PADI6: variants seen among roughly 807,000 people sequenced by gnomAD.
PADI6 encodes inactive protein-arginine deiminase type-6.
A neutral mutation model predicts 78.2 loss-of-function variants in PADI6; 66 were observed. The observed-to-expected ratio is 0.84, with a 90% confidence interval of 0.69 to 1.04. PADI6 has a LOEUF of 1.04. PADI6 is among the 50% of genes least tolerant of loss of function. The pLI is 0.00. For synonymous variants in PADI6, 397 were observed against 346.9 expected (o/e 1.14, Z -1.60); for missense variants, 854 against 866.1 (o/e 0.99, Z 0.18).
intron 8 of PADI6, among the ~76,000 whole-genome samples, chr1:17,389,096 C>T (rs1223080646): frequency 6.6e-6 from 1 of 152,194 alleles, no homozygotes; most frequent in Non-Finnish European, 1.5e-5. Flanking sequence ...GACAGTCCCC[C>T]CATTATGTGA....
chr1:17,388,079 A>G (rs1258764834), intron 6 of PADI6, among the ~76,000 whole-genome samples: 1 of 152,146 alleles, frequency 6.6e-6, no homozygotes, highest in Non-Finnish European at 1.5e-5. Flanking sequence ...AGAACCACCT[A>G]CCCTGAGGCT....
In PADI6 at chr1:17,398,826, G is replaced by A. The variant is rs377677170; in HGVS notation, c.1830G>A (p.Ala610=). The A allele has an allele frequency of 2.2e-5, 36 of 1,613,354 alleles. No homozygotes were observed. The highest frequency in any genetic ancestry group is 3.0e-5 in the Non-Finnish European group (35 of 1,179,782). ...PSDQQPKRSF[A]RPYFPDLLRM... ...ACCAGCAGCCCAAGAGGTCCTTTGC[G>A]AGGCCATACTTCCCTGACCTGGTGA... Residue 610 remains alanine, a synonymous_variant, in exon 15 of 16, where the codon GCG becomes GCA. Transcript: ENST00000619609.
intron 2 of PADI6, among the ~76,000 whole-genome samples, chr1:17,373,938 C>A (rs570641874): frequency 6.6e-6 from 1 of 152,140 alleles, no homozygotes; most frequent in African/African-American, 2.4e-5. Flanking sequence ...TAATGGGGTG[C>A]CTATGTTGGG....
intron 7 of PADI6, 42 bp from the exon 8 acceptor site, chr1:17,388,735 A>C (rs1340113908): frequency 6.3e-7 from 1 of 1,583,774 alleles, no homozygotes; most frequent in Non-Finnish European, 8.6e-7. Context: ...GGAGCGAGTA[A>C]ATGTGGAAGC....
chr1:17,375,395 C>A, intron 2 of PADI6, 32 bp from the exon 3 acceptor site: 1 of 1,591,048 alleles, frequency 6.3e-7, no homozygotes, highest in Non-Finnish European at 8.6e-7. Context: ...CCGTCCAACA[C>A]TGCCTATGGT....
chr1:17,389,208 C>A (rs550018230), intron 8 of PADI6, among the ~76,000 whole-genome samples: 1 of 152,174 alleles, frequency 6.6e-6, no homozygotes, highest in Non-Finnish European at 1.5e-5. Context: ...GAAGCTCCTA[C>A]GGAGCCAGAG....
intron 13 of PADI6, 97 bp downstream of exon 13, chr1:17,395,760 G>A: frequency 7.0e-7 from 1 of 1,429,702 alleles, no homozygotes. Flanking sequence ...CGTAAAGGAT[G>A]CCAGGGAAGC....
In PADI6 at chr1:17,392,375, C is replaced by T. The variant is rs74503949; in HGVS notation, c.1074+150C>T. On this transcript the variant is annotated intron_variant, in intron 9 of 15. Coordinates refer to ENST00000619609, the MANE Select transcript of PADI6 (RefSeq NM_207421.4). ...TGTTCTTAGGACTTCAGTGGAGGCT[C>T]AGATGAGGATTTGCCTGAGTCATGG... 8.6e-4 allele frequency: 516 copies of T among 600,898 alleles called. No individual in the cohort carries two copies. In the African/African-American group the frequency reaches 8.9e-3, roughly 10 times the overall value. The allele number at this position is 600,898 out of a possible 1,614,324, so 37.2% of individuals were successfully genotyped here.
In PADI6 at chr1:17,375,481, C is replaced by T. The variant is rs765447667; in HGVS notation, c.349C>T (p.Leu117=). The T allele has an allele frequency of 6.2e-7, 1 of 1,607,828 alleles. No homozygotes were observed. Among genetic ancestry groups the T allele is most frequent in the South Asian group, 1.1e-5 (1 of 89,776 alleles). Residue 117 remains leucine, a synonymous_variant, in exon 3 of 16, where the codon CTG becomes TTG. Transcript: ENST00000619609. The stretch of plus-strand genomic sequence containing the variant: ...GGATGCCCCCGTGGGCACAGCTGTG[C>T]TGTACCTCACTGGCATTGGTGAGTG... ...NEDAPVGTAV[L]YLTGIEVSLE... is the part of the protein sequence containing the mutation.
intron 8 of PADI6, among the ~76,000 whole-genome samples, chr1:17,391,530 T>C (rs1449453050): frequency 6.6e-6 from 1 of 152,146 alleles, no homozygotes; most frequent in African/African-American, 2.4e-5. Context: ...AGATGAGTGG[T>C]CTTAACATCA....
chr1:17,384,908 G>A (rs919521528), intron 6 of PADI6, among the ~76,000 whole-genome samples: 1 of 152,258 alleles, frequency 6.6e-6, no homozygotes, highest in Non-Finnish European at 1.5e-5. Context: ...AAAGGGAGAT[G>A]TGTGGTGGTA....
intron 6 of PADI6, among the ~76,000 whole-genome samples, chr1:17,386,919 C>T (rs981911416): frequency 6.6e-6 from 1 of 152,184 alleles, no homozygotes; most frequent in Non-Finnish European, 1.5e-5. Context: ...AGGCAGCTGG[C>T]AGTGCCGTGC....
At chr1:17,381,601 G>A (rs749882633) in intron 5 of PADI6, among the ~76,000 whole-genome samples, 4 of 152,148 alleles carry the variant, frequency 2.6e-5, no homozygotes, top group Non-Finnish European at 5.9e-5. Context: ...CCTGACTTGC[G>A]GTTGGGACCA....
intron 8 of PADI6, among the ~76,000 whole-genome samples, chr1:17,390,058 G>A (rs938924845): frequency 1.3e-5 from 2 of 152,288 alleles, no homozygotes; most frequent in East Asian, 1.9e-4. Context: ...CAGCACTTTG[G>A]GAGGCCGAGG....
intron 7 of PADI6, 62 bp downstream of exon 7, chr1:17,388,621 C>T (rs887318402): frequency 1.3e-6 from 2 of 1,501,306 alleles, no homozygotes; most frequent in Admixed American, 3.8e-5. Context: ...AAAGCCATCT[C>T]CCACAGTTGG....
intron 6 of PADI6, 102 bp from the exon 7 acceptor site, chr1:17,388,279 A>G: frequency 8.9e-7 from 1 of 1,125,380 alleles, no homozygotes; most frequent in Non-Finnish European, 1.2e-6. Flanking sequence ...TGGAACTCAC[A>G]GCCTTGCATC....
chr1:17,390,693 G>A (rs942191286), intron 8 of PADI6, among the ~76,000 whole-genome samples: 1 of 152,116 alleles, frequency 6.6e-6, no homozygotes, highest in Non-Finnish European at 1.5e-5. Flanking sequence ...GGGGAGTGTG[G>A]TCCTCAGAGG....
At chr1:17,378,123 T>C (rs2075036527) in intron 3 of PADI6, among the ~76,000 whole-genome samples, 1 of 152,150 alleles carries the variant, frequency 6.6e-6, no homozygotes, top group African/African-American at 2.4e-5. Flanking sequence ...TCTTGCCTCC[T>C]TTAGGTCTCT....
At chr1:17,393,430 C>T (rs866622474) in intron 9 of PADI6, among the ~76,000 whole-genome samples, 1 of 152,010 alleles carries the variant, frequency 6.6e-6, no homozygotes, top group South Asian at 2.1e-4. Context: ...GACACGGTGG[C>T]TTCCTGAGTG....
Sources: gnomAD v4.1 joint callset for allele counts (sites outside exome capture counted in the v4.1 genomes callset) on GRCh38, gnomAD v4.1.1 for gene constraint, MANE v1.5 for transcripts, NCBI Gene and HGNC (gene_info 2026-07-23, HGNC 2026-07-21) for gene names.